Variants in NAT10 observed in about 807,000 individuals in gnomAD.
NAT10 encodes N-acetyltransferase 10, also known as RNA cytidine acetyltransferase.
In NAT10, 109 loss-of-function variants were observed where a neutral mutation model predicts 132.2. The observed-to-expected ratio is 0.82, with a 90% confidence interval of 0.71 to 0.97. The LOEUF (loss-of-function observed/expected upper bound fraction) is 0.97. NAT10 is among the 50% of genes least tolerant of loss of function. NAT10 has a pLI of 0.00. For synonymous variants in NAT10, 479 were observed against 478.0 expected (o/e 1.00, Z -0.03); for missense variants, 1,184 against 1,263.4 (o/e 0.94, Z 0.95).
At chr11:34,137,825 G>A (rs1852245156) in intron 21 of NAT10, among the ~76,000 whole-genome samples, 1 of 152,240 alleles carries the variant, frequency 6.6e-6, no homozygotes, top group Non-Finnish European at 1.5e-5. Flanking sequence ...CGGGTGTGGT[G>A]TCACACGTCA....
intron 18 of NAT10, 102 bp from the exon 19 acceptor site, chr11:34,135,073 A>G (rs977402521): frequency 4.3e-5 from 37 of 860,940 alleles, no homozygotes; most frequent in Non-Finnish European, 7.0e-5. Context: ...GCTGTTTGAC[A>G]GGGAGGGAAG....
chr11:34,119,099 C>G (rs566958895), intron 8 of NAT10, among the ~76,000 whole-genome samples: 2 of 152,200 alleles, frequency 1.3e-5, no homozygotes, highest in South Asian at 4.1e-4. Context: ...TGATGAGGGC[C>G]CTCTGGGGTA....
Position 34,134,589 on chromosome 11 carries a change from A to G in NAT10, c.1911+3A>G. ...CTGTTCACCCAGATTATCAAGGGGT[A>G]ATGTGTCCTCAGGCTCCCCTGAAGC... On this transcript the variant is annotated splice_donor_region_variant and intron_variant, in intron 18 of 28. Coordinates refer to ENST00000257829, the MANE Select transcript of NAT10 (RefSeq NM_024662.3). 6.2e-7 allele frequency: 1 copy of G among 1,614,026 alleles called. No homozygotes were observed. Among genetic ancestry groups the G allele is most frequent in the Non-Finnish European group, 8.5e-7 (1 of 1,179,986 alleles).
intron 6 of NAT10, among the ~76,000 whole-genome samples, chr11:34,116,856 A>G (rs1424757516): frequency 6.6e-6 from 1 of 152,102 alleles, no homozygotes; most frequent in Non-Finnish European, 1.5e-5. Flanking sequence ...CAGTCTCCCA[A>G]AGTGCTAGGA....
intron 4 of NAT10, among the ~76,000 whole-genome samples, 175 bp from the exon 5 acceptor site, chr11:34,113,541 G>A (rs553463004): frequency 6.7e-6 from 1 of 148,438 alleles, no homozygotes; most frequent in African/African-American, 2.5e-5. Context: ...GGTGGCTCAT[G>A]CCTGTAATCC....
At chr11:34,128,332 C>T (rs981984116) in intron 12 of NAT10, among the ~76,000 whole-genome samples, 5 of 143,516 alleles carry the variant, frequency 3.5e-5, no homozygotes, top group South Asian at 2.2e-4. Flanking sequence ...CCAGTCTGGG[C>T]GACAGAGCGA....
At chr11:34,136,093 T>A (rs1347560173) in intron 19 of NAT10, among the ~76,000 whole-genome samples, 1 of 151,962 alleles carries the variant, frequency 6.6e-6, no homozygotes, top group Non-Finnish European at 1.5e-5. Flanking sequence ...CATTTTTTTT[T>A]TTTTTTGAGA....
chr11:34,129,599 C>CTTTTTTTTTTTTTTTTTTTTTTTTTTT (rs71037399), intron 12 of NAT10, among the ~76,000 whole-genome samples: 1 of 56,694 alleles, frequency 1.8e-5, no homozygotes, highest in Non-Finnish European at 3.0e-5. Flanking sequence ...TCTTCTTCTT[C>CTTTTTTTTTTTTTTTTTTTTTTTTTTT]TTTTTTTTTT....
chr11:34,117,884 G>T (rs1335269617), intron 6 of NAT10, among the ~76,000 whole-genome samples: 1 of 152,204 alleles, frequency 6.6e-6, no homozygotes, highest in East Asian at 1.9e-4. Flanking sequence ...AAGCCTGGGA[G>T]GATGAGGAGA....
chr11:34,134,786 C>A (rs577949739), intron 18 of NAT10, among the ~76,000 whole-genome samples, 200 bp downstream of exon 18: 1 of 152,136 alleles, frequency 6.6e-6, no homozygotes, highest in Admixed American at 6.5e-5. Flanking sequence ...TTTGTGAGAA[C>A]GAGGACTTGT....
At chr11:34,144,681 C>T (rs1852402877) in intron 28 of NAT10, among the ~76,000 whole-genome samples, 1 of 152,208 alleles carries the variant, frequency 6.6e-6, no homozygotes, top group African/African-American at 2.4e-5. Flanking sequence ...AGCTTCTTAT[C>T]TGCAGAGTGG....
At chr11:34,109,380 G>A (rs1019676522) in intron 3 of NAT10, among the ~76,000 whole-genome samples, 7 of 152,090 alleles carry the variant, frequency 4.6e-5, no homozygotes, top group African/African-American at 1.4e-4. Context: ...TCTCTCTCAG[G>A]TTAGCATTTC....
intron 22 of NAT10, 44 bp from the exon 23 acceptor site, chr11:34,139,341 G>A (rs1315360385): frequency 6.2e-7 from 1 of 1,610,592 alleles, no homozygotes; most frequent in East Asian, 2.2e-5. Context: ...GGGGCTGCCG[G>A]GGATGCCTCC....
intron 16 of NAT10, 94 bp from the exon 17 acceptor site, chr11:34,134,225 C>T (rs1852163803): frequency 9.4e-7 from 1 of 1,066,358 alleles, no homozygotes; most frequent in East Asian, 2.4e-5. Context: ...GGGGTGGAAA[C>T]AACTGGCCTA....
At chr11:34,136,868 G>T (rs896877351) in intron 20 of NAT10, 93 bp downstream of exon 20, 3 of 1,611,368 alleles carry the variant, frequency 1.9e-6, no homozygotes, top group African/African-American at 2.7e-5. Flanking sequence ...GCTGGTATCG[G>T]TGCTAGCCTG....
Position 34,112,199 on chromosome 11 carries a change from T to C in NAT10, c.348T>C (p.Asn116=). Residue 116 remains asparagine (N), a synonymous_variant, in exon 4 of 29, where the codon AAT becomes AAC. Coordinates refer to ENST00000257829, the MANE Select transcript of NAT10 (RefSeq NM_024662.3). ...ACGAGACCCACAAGATCCTGGGCAA[T>C]ACCTTCGGCATGTGTGTGCTGCAGG... The part of the protein sequence containing the change: ...YYNETHKILG[N]TFGMCVLQDF... 1 of 1,614,210 alleles carries C rather than the reference T, an allele frequency of 6.2e-7. No homozygotes were observed. Among genetic ancestry groups the C allele is most frequent in the Non-Finnish European group, 8.5e-7 (1 of 1,180,022 alleles).
intron 8 of NAT10, among the ~76,000 whole-genome samples, chr11:34,121,966 A>G (rs2132950160): frequency 6.6e-6 from 1 of 150,724 alleles, no homozygotes; most frequent in South Asian, 2.1e-4. Context: ...GCCTGAGGTT[A>G]GGAGTTCGAG....
At chr11:34,110,940 T>C (rs928042978) in intron 3 of NAT10, among the ~76,000 whole-genome samples, 16 of 152,220 alleles carry the variant, frequency 1.1e-4, no homozygotes, top group Non-Finnish European at 2.2e-4. Flanking sequence ...TTTTGAACCA[T>C]AATTGGTATT....
intron 24 of NAT10, 52 bp from the exon 25 acceptor site, chr11:34,141,037 A>G (rs968507720): frequency 1.2e-6 from 2 of 1,608,652 alleles, no homozygotes; most frequent in Non-Finnish European, 1.7e-6. Context: ...CGCCATTTTA[A>G]TGGGCAAGGG....
Sources: gnomAD v4.1 joint callset for allele counts (sites outside exome capture counted in the v4.1 genomes callset) on GRCh38, gnomAD v4.1.1 for gene constraint, MANE v1.5 for transcripts, NCBI Gene and HGNC (gene_info 2026-07-23, HGNC 2026-07-21) for gene names.